Variants in LSAMP observed in about 807,000 individuals in gnomAD.
LSAMP encodes the protein limbic system-associated membrane protein.
In LSAMP, 7 loss-of-function variants were observed where a neutral mutation model predicts 38.6. The ratio of observed to expected loss-of-function variants is 0.18; its 90% CI spans 0.10 to 0.34. The LOEUF is 0.34. LSAMP is among the 10% of genes least tolerant of loss of function. The pLI, the probability that LSAMP is intolerant of heterozygous loss-of-function variation, is 1.00. For synonymous variants in LSAMP, 154 were observed against 166.8 expected, an observed-to-expected ratio of 0.92 and a Z score of 0.59; for missense variants, 313 against 420.0, an observed-to-expected ratio of 0.75 and a Z score of 2.23.
chr3:116,376,464 G>C (rs908083006), intron 1 of LSAMP, among the ~76,000 whole-genome samples: 2 of 151,978 alleles, frequency 1.3e-5, no homozygotes, highest in Non-Finnish European at 2.9e-5. Context: ...ATTGCAGTGG[G>C]ATTCAGGTTT....
chr3:116,251,900 T>A (rs1383041421), intron 1 of LSAMP, among the ~76,000 whole-genome samples: 1 of 152,192 alleles, frequency 6.6e-6, no homozygotes, highest in Non-Finnish European at 1.5e-5. Flanking sequence ...GCTGAAAAAC[T>A]CATTCTGCTT....
At chr3:115,943,452 G>T (rs748807636) in intron 3 of LSAMP, among the ~76,000 whole-genome samples, 12 of 152,152 alleles carry the variant, frequency 7.9e-5, no homozygotes, top group Non-Finnish European at 1.3e-4. Flanking sequence ...CTCAATTAGA[G>T]AATAAGATAG....
chr3:116,326,419 C>T (rs1206056890), intron 1 of LSAMP, among the ~76,000 whole-genome samples: 1 of 152,134 alleles, frequency 6.6e-6, no homozygotes. Context: ...CACAACCATC[C>T]TCTAGCAGAA....
At chr3:116,104,691 C>T (rs1576364796) in intron 1 of LSAMP, among the ~76,000 whole-genome samples, 1 of 152,132 alleles carries the variant, frequency 6.6e-6, no homozygotes, top group Non-Finnish European at 1.5e-5. Context: ...GCCATCCACT[C>T]GCAAGTGAAC....
chr3:115,833,688 G>T (rs534871414), intron 6 of LSAMP, among the ~76,000 whole-genome samples: 9 of 152,114 alleles, frequency 5.9e-5, no homozygotes, highest in Non-Finnish European at 4.4e-5. Context: ...TTGCCTTTAT[G>T]GTGTGTATGA....
chr3:116,417,187 T>C (rs981935407), intron 1 of LSAMP, among the ~76,000 whole-genome samples: 4 of 152,180 alleles, frequency 2.6e-5, no homozygotes, highest in African/African-American at 9.7e-5. Flanking sequence ...AGAAAAGACA[T>C]CTTTATCCTG....
chr3:116,293,325 T>C (rs1187792187), intron 1 of LSAMP, among the ~76,000 whole-genome samples: 1 of 152,216 alleles, frequency 6.6e-6, no homozygotes, highest in Non-Finnish European at 1.5e-5. Context: ...AAGATTGCCC[T>C]GAAACCTAAA....
chr3:115,816,515 C>A, intron 6 of LSAMP: 1 of 670,166 alleles, frequency 1.5e-6, no homozygotes, highest in Non-Finnish European at 2.2e-6. Context: ...ATTGTTATCA[C>A]AAATTATTCC....
At chr3:116,439,148 T>C (rs1231330425) in intron 1 of LSAMP, among the ~76,000 whole-genome samples, 1 of 152,138 alleles carries the variant, frequency 6.6e-6, no homozygotes, top group African/African-American at 2.4e-5. Context: ...AGAGGATATG[T>C]GGCAGCAGTA....
Position 116,203,644 on chromosome 3 carries a change from G to A in LSAMP, c.156-117088C>T, listed in dbSNP as rs1467388268. ...AATTCCCACCTATGAGTGAGAATAT[G>A]CGGTGTTTGGTTTTTTTGTTCTTGC... On this transcript the variant is annotated intron_variant, in intron 1 of 6. Transcript: ENST00000490035. 5.4e-5 allele frequency among the ~76,000 whole-genome samples: 8 copies of A among 147,566 alleles called. No homozygotes were observed. In the South Asian group the frequency reaches 1.1e-3, roughly 20 times the overall value.
chr3:115,833,247 G>C (rs112722297), intron 6 of LSAMP, among the ~76,000 whole-genome samples: 90 of 152,132 alleles, frequency 5.9e-4, no homozygotes, highest in African/African-American at 2.0e-3. Context: ...AATTCAAAAT[G>C]GGATATTTTC....
chr3:115,887,247 G>T (rs1936478054), intron 3 of LSAMP, among the ~76,000 whole-genome samples: 1 of 151,058 alleles, frequency 6.6e-6, no homozygotes, highest in Non-Finnish European at 1.5e-5. Context: ...TGATTAGAGG[G>T]GTGACTATGT....
At chr3:115,837,820 C>T (rs561716712) in intron 6 of LSAMP, 3 of 152,322 alleles carry the variant, frequency 2.0e-5, no homozygotes, top group Non-Finnish European at 4.4e-5. Flanking sequence ...TACTTAGTTG[C>T]ACTAGTCACT....
At chr3:116,207,501 G>A (rs954351478) in intron 1 of LSAMP, among the ~76,000 whole-genome samples, 43 of 150,222 alleles carry the variant, frequency 2.9e-4, no homozygotes, top group African/African-American at 7.6e-4. Flanking sequence ...TCCTAGTCTC[G>A]ATGGTCTTTA....
At chr3:115,873,455 G>C (rs548190032) in intron 3 of LSAMP, among the ~76,000 whole-genome samples, 6 of 151,772 alleles carry the variant, frequency 4.0e-5, no homozygotes, top group African/African-American at 1.5e-4. Flanking sequence ...AGGCTAAAAG[G>C]AGATCTATGG....
intron 1 of LSAMP, among the ~76,000 whole-genome samples, chr3:116,297,116 G>A (rs1296234258): frequency 6.6e-6 from 1 of 152,190 alleles, no homozygotes; most frequent in African/African-American, 2.4e-5. Context: ...AAAACAAAAT[G>A]TTGTGACTAG....
chr3:115,976,060 C>T (rs1384227470), intron 3 of LSAMP, among the ~76,000 whole-genome samples: 1 of 152,170 alleles, frequency 6.6e-6, no homozygotes, highest in Non-Finnish European at 1.5e-5. Context: ...TTTTCTTTGA[C>T]ACCACTCCAG....
At chr3:116,373,040 T>TA (rs2048450099) in intron 1 of LSAMP, among the ~76,000 whole-genome samples, 1 of 151,644 alleles carries the variant, frequency 6.6e-6, no homozygotes, top group East Asian at 2.0e-4. Flanking sequence ...AAAATACACT[T>TA]ACCATATCAT....
intron 3 of LSAMP, among the ~76,000 whole-genome samples, chr3:115,986,518 G>A (rs1415688438): frequency 2.0e-5 from 3 of 152,158 alleles, no homozygotes; most frequent in Admixed American, 2.0e-4. Flanking sequence ...GAAATTGGCT[G>A]AAGAATTTGC....
Sources: allele counts gnomAD v4.1 joint callset (sites outside exome capture counted in the v4.1 genomes callset), GRCh38; gene constraint gnomAD v4.1.1; transcripts MANE v1.5; gene names NCBI Gene and HGNC (gene_info 2026-07-23, HGNC 2026-07-21).